Variants in TENM1 observed in about 807,000 individuals in gnomAD.
The protein encoded by TENM1 is teneurin transmembrane protein 1, also known as teneurin-1.
Under a neutral mutation model 174.8 loss-of-function variants are expected in TENM1, and 35 were observed. The ratio of observed to expected loss-of-function variants is 0.20; its 90% CI spans 0.15 to 0.27. The LOEUF is 0.27. Among genes scored for constraint, TENM1 ranks in the 10% least tolerant of loss-of-function variants. The probability of loss-of-function intolerance (pLI) is 1.00; values close to 1 mark genes in which losing one functional copy is unlikely to be tolerated. For missense variants in TENM1, 1,633 were observed against 2,130.1 expected (o/e 0.77, Z 4.59); for synonymous variants, 781 against 798.7 (o/e 0.98, Z 0.37).
chrX:125,181,453 C>A, the TENM1 span, among the ~76,000 whole-genome samples: 1 of 111,621 alleles, frequency 9.0e-6, no homozygotes, highest in Non-Finnish European at 1.9e-5. Flanking sequence ...TGGCCCTGAG[C>A]AATCGGCCAC....
rs756874840 is a variant in TENM1, at chrX:124,546,998, G to T, written c.2527C>A (p.Leu843Ile). The change falls in exon 15 of 32, where the codon CTC becomes ATC. Residue 843 changes from leucine (L) to isoleucine (I), a missense_variant. Physicochemically the swap from Leu to Ile is conservative, Grantham distance 5 (BLOSUM62 2). Around this residue, in one of 4 missense-constraint regions of TENM1, gnomAD observed 449 missense variants for 636.2 expected, o/e 0.71. Coordinates refer to ENST00000422452, the Ensembl canonical transcript of TENM1. Reference sequence around the variant, plus strand: ...AAGAGAGTTTGGCTTTGCTGAATGAGGTCAAGAGGATCTGGTGAGCCCTGG... The same window carrying T: ...AAGAGAGTTTGGCTTTGCTGAATGATGTCAAGAGGATCTGGTGAGCCCTGG... 3 of 1,209,598 alleles carry T rather than the reference G, an allele frequency of 2.5e-6. No homozygotes were observed. In the African/African-American group the frequency reaches 5.2e-5, roughly 21 times the overall value.
chrX:124,965,147 G>A (rs2058709679), upstream of TENM1, among the ~76,000 whole-genome samples: 1 of 111,521 alleles, frequency 9.0e-6, no homozygotes, highest in African/African-American at 3.3e-5. Context: ...GTGCGATCTC[G>A]GCTCACTGCA....
chrX:124,563,557 T>C (rs2148167331), intron 13 of TENM1, among the ~76,000 whole-genome samples, 192 bp downstream of exon 16: 1 of 110,316 alleles, frequency 9.1e-6, no homozygotes. Context: ...AGTGACTCTT[T>C]GATGTTGAAA....
chrX:124,744,697 A>G (rs1423101209), intron 3 of TENM1, among the ~76,000 whole-genome samples: 2 of 112,317 alleles, frequency 1.8e-5, no homozygotes, highest in Admixed American at 1.9e-4. Context: ...ATTATTTTCA[A>G]TCTTCAAGTT....
the TENM1 span, among the ~76,000 whole-genome samples, chrX:125,053,921 G>A: frequency 1.8e-5 from 2 of 111,396 alleles, no homozygotes; most frequent in South Asian, 3.8e-4. Flanking sequence ...CACCACCCAC[G>A]CTCTAAACCA....
intron 13 of TENM1, among the ~76,000 whole-genome samples, chrX:124,563,333 T>A (rs1341939413): frequency 9.2e-6 from 1 of 108,332 alleles, no homozygotes; most frequent in African/African-American, 3.3e-5. Context: ...TATTGTTATG[T>A]TAAAGAGAAA....
chrX:124,777,282 G>GA (rs1308419830), intron 3 of TENM1, among the ~76,000 whole-genome samples: 1 of 110,627 alleles, frequency 9.0e-6, no homozygotes, highest in Non-Finnish European at 1.9e-5. Context: ...TTCCTTTTTT[G>GA]AAAAAAACGC....
At chrX:124,433,552 C>T (rs2266910) in intron 23 of TENM1, among the ~76,000 whole-genome samples, 36,515 of 110,706 alleles carry the variant, frequency 0.33, 4,900 homozygotes, top group East Asian at 0.86. Flanking sequence ...TATGAGTTTT[C>T]GACGGCAAAG....
rs180711586 is a variant in TENM1 at position 124,417,805 on chromosome X, T to A, written c.4982+2506A>T. 2.8e-3 allele frequency among the ~76,000 whole-genome samples: 313 copies of A among 112,082 alleles called. 1 individual carries two copies. Among genetic ancestry groups the A allele is most frequent in the African/African-American group, 9.5e-3 (293 of 30,891 alleles). ...CTTCCAGTATAATATGTTCCTTGTA[T>A]AGTCTTCCCCTCTTGGTAAATGAAA... On this transcript the variant is annotated intron_variant, in intron 25 of 31. Coordinates refer to ENST00000422452, the Ensembl canonical transcript of TENM1.
At chrX:125,136,737 A>G in the TENM1 span, among the ~76,000 whole-genome samples, 1 of 112,175 alleles carries the variant, frequency 8.9e-6, no homozygotes, top group Non-Finnish European at 1.9e-5. Flanking sequence ...AAAAATTAAC[A>G]ATAGAACAAT....
At chrX:125,195,900 G>C in the TENM1 span, among the ~76,000 whole-genome samples, 1 of 110,112 alleles carries the variant, frequency 9.1e-6, no homozygotes, top group South Asian at 3.8e-4. Context: ...ATTTTAGTGA[G>C]TGTCCTAAAG....
At chrX:124,673,553 A>C (rs371955587) in intron 5 of TENM1, among the ~76,000 whole-genome samples, 132 of 111,924 alleles carry the variant, frequency 1.2e-3, no homozygotes, top group African/African-American at 4.0e-3. Flanking sequence ...TTGGCAAATA[A>C]ATCAATTGGG....
intron 21 of TENM1, among the ~76,000 whole-genome samples, chrX:124,486,137 GA>G (rs916024924): frequency 6.3e-5 from 7 of 111,491 alleles, no homozygotes; most frequent in East Asian, 2.8e-4. Context: ...ACCTGAGAAA[GA>G]AAAAAACCAC....
At chrX:124,392,573 TCTCAATAGGTG>T (rs2147622065) in intron 27 of TENM1, among the ~76,000 whole-genome samples, 1 of 111,717 alleles carries the variant, frequency 9.0e-6, no homozygotes, top group East Asian at 2.8e-4. Flanking sequence ...TACTCTAGAC[TCTCAATAGGTG>T]GTTGTTGATT....
At chrX:125,115,891 CTACTT>C in the TENM1 span, among the ~76,000 whole-genome samples, 2 of 109,416 alleles carry the variant, frequency 1.8e-5, no homozygotes, top group South Asian at 7.7e-4. Context: ...AAAAAAAAAA[CTACTT>C]TATATTTCAT....
chrX:124,783,895 T>C (rs1196675537), intron 3 of TENM1, among the ~76,000 whole-genome samples: 1 of 111,407 alleles, frequency 9.0e-6, no homozygotes, highest in Admixed American at 9.5e-5. Flanking sequence ...AGAGAGAGAA[T>C]GCACCCCATA....
At chrX:124,426,745 T>C (rs1458734466) in intron 23 of TENM1, among the ~76,000 whole-genome samples, 1 of 112,176 alleles carries the variant, frequency 8.9e-6, no homozygotes, top group Non-Finnish European at 1.9e-5. Context: ...TGAGTGCTAA[T>C]GGGGTATAAA....
the TENM1 span, among the ~76,000 whole-genome samples, chrX:125,165,916 C>T: frequency 9.0e-6 from 1 of 111,064 alleles, no homozygotes; most frequent in Non-Finnish European, 1.9e-5. Flanking sequence ...ATGCTGATGA[C>T]ACTTGAGTTT....
chrX:125,164,058 G>GCTTA, the TENM1 span, among the ~76,000 whole-genome samples: 5 of 111,703 alleles, frequency 4.5e-5, no homozygotes, highest in Middle Eastern at 4.7e-3. Context: ...AACACATAGT[G>GCTTA]CTTATGTAAT....
Sources: allele counts gnomAD v4.1 joint callset (sites outside exome capture counted in the v4.1 genomes callset), GRCh38; gene constraint gnomAD v4.1.1; regional missense constraint gnomAD v4.1.1; transcripts MANE v1.5; gene names NCBI Gene and HGNC (gene_info 2026-07-23, HGNC 2026-07-21).